The following PAPPA2 variants were observed in gnomAD, a reference collection of about 807,000 sequenced individuals.
PAPPA2 encodes pappalysin 2, also known as pappalysin-2.
PAPPA2 carries 86 observed loss-of-function variants against 176.4 expected under a neutral mutation model. The observed-to-expected ratio is 0.49, with a 90% confidence interval of 0.41 to 0.58. The LOEUF (loss-of-function observed/expected upper bound fraction) is 0.58. Among genes scored for constraint, PAPPA2 ranks in the 20% least tolerant of loss-of-function variants. PAPPA2 has a pLI of 0.00. For synonymous variants in PAPPA2, 809 were observed against 852.2 expected (o/e 0.95, Z 0.88); for missense variants, 2,073 against 2,256.9 (o/e 0.92, Z 1.65).
Position 176,652,597 on chromosome 1 carries a change from T to A in PAPPA2, c.1992-18373T>A, listed in dbSNP as rs1269475419. ...ACTCTGATTTTGCATCTTCTTTGGCTAAGGTACAAAGCAGAGTTTCCAGGG... is the reference window on the plus strand; with the variant it reads ...ACTCTGATTTTGCATCTTCTTTGGCAAAGGTACAAAGCAGAGTTTCCAGGG... On this transcript the variant is annotated intron_variant, in intron 3 of 22. Transcript: ENST00000367662. 2.0e-5 allele frequency among the ~76,000 whole-genome samples: 3 copies of A among 151,704 alleles called. No homozygotes were observed. The East Asian group carries it at 5.8e-4, about 30-fold the overall frequency.
intron 3 of PAPPA2, among the ~76,000 whole-genome samples, chr1:176,632,303 G>A (rs535184206): frequency 6.6e-6 from 1 of 151,724 alleles, no homozygotes; most frequent in South Asian, 2.1e-4. Context: ...ACAAAATGCT[G>A]CAACTGATTC....
At chr1:176,481,583 C>A (rs964687884) in intron 1 of PAPPA2, among the ~76,000 whole-genome samples, 4 of 152,218 alleles carry the variant, frequency 2.6e-5, no homozygotes, top group African/African-American at 9.6e-5. Flanking sequence ...TTATTCTCTG[C>A]TGCAGACTTC....
At chr1:176,466,363 T>C (rs1035952731) in intron 1 of PAPPA2, among the ~76,000 whole-genome samples, 1 of 152,180 alleles carries the variant, frequency 6.6e-6, no homozygotes, top group African/African-American at 2.4e-5. Context: ...ATTCTAATGA[T>C]AAAATTTCAA....
At chr1:176,554,070 G>A (rs1238953384) in intron 1 of PAPPA2, among the ~76,000 whole-genome samples, 1 of 152,130 alleles carries the variant, frequency 6.6e-6, no homozygotes, top group East Asian at 1.9e-4. Context: ...CCATGTGCCT[G>A]AGTTGATATC....
At chr1:176,712,682 G>A (rs1238816437) in intron 12 of PAPPA2, among the ~76,000 whole-genome samples, 2 of 152,166 alleles carry the variant, frequency 1.3e-5, no homozygotes, top group Non-Finnish European at 2.9e-5. Context: ...TGTGGTGAAC[G>A]TGTATAAACA....
At chr1:176,840,712 C>A (rs1010265110) in intron 22 of PAPPA2, among the ~76,000 whole-genome samples, 1 of 152,182 alleles carries the variant, frequency 6.6e-6, no homozygotes, top group African/African-American at 2.4e-5. Flanking sequence ...CACCAGCCAC[C>A]TGAGCACTCT....
intron 1 of PAPPA2, among the ~76,000 whole-genome samples, chr1:176,478,691 A>G (rs528839118): frequency 6.6e-6 from 1 of 152,334 alleles, no homozygotes; most frequent in Admixed American, 6.5e-5. Context: ...GGCAAAACAG[A>G]GAATGGCCAG....
At chr1:176,536,934 T>TGAGA (rs1650096617) in intron 1 of PAPPA2, among the ~76,000 whole-genome samples, 1 of 152,162 alleles carries the variant, frequency 6.6e-6, no homozygotes, top group Admixed American at 6.6e-5. Context: ...CATAACCCTA[T>TGAGA]GAGAGAGGTA....
chr1:176,610,344 TGGG>T (rs35317617), intron 3 of PAPPA2, among the ~76,000 whole-genome samples: 7,146 of 140,584 alleles, frequency 0.051, 256 homozygotes, highest in East Asian at 0.2. Context: ...AAGTTGTGTG[TGGG>T]GGGGGGGAGT....
At chr1:176,490,499 A>T (rs759759660) in intron 1 of PAPPA2, among the ~76,000 whole-genome samples, 3 of 152,122 alleles carry the variant, frequency 2.0e-5, no homozygotes, top group Non-Finnish European at 4.4e-5. Flanking sequence ...TATATTTGTG[A>T]TACAAATGTA....
intron 21 of PAPPA2, among the ~76,000 whole-genome samples, chr1:176,822,811 C>T (rs912268971): frequency 6.6e-6 from 1 of 152,198 alleles, no homozygotes; most frequent in South Asian, 2.1e-4. Context: ...AGATAAGAAA[C>T]GGTTTTATTT....
intron 3 of PAPPA2, among the ~76,000 whole-genome samples, chr1:176,623,779 CT>C (rs1655833906): frequency 9.6e-6 from 1 of 104,432 alleles, no homozygotes; most frequent in African/African-American, 3.7e-5. Flanking sequence ...TTCTTTCTTT[CT>C]TTCTTTCTTT....
chr1:176,812,391 A>C (rs1295114254), intron 21 of PAPPA2, among the ~76,000 whole-genome samples: 4 of 152,126 alleles, frequency 2.6e-5, no homozygotes, highest in African/African-American at 9.7e-5. Context: ...AGTTATAAGA[A>C]TGGGCAGCAT....
At chr1:176,765,872 T>G (rs1245144000) in intron 15 of PAPPA2, 35 bp downstream of exon 15, 1 of 1,605,338 alleles carries the variant, frequency 6.2e-7, no homozygotes, top group South Asian at 1.1e-5. Context: ...AGGACCAAGT[T>G]CCTGGGAAGG....
intron 1 of PAPPA2, among the ~76,000 whole-genome samples, chr1:176,534,368 C>T (rs191608629): frequency 7.2e-5 from 11 of 152,260 alleles, no homozygotes; most frequent in Admixed American, 1.3e-4. Context: ...TATTCCAGTC[C>T]CGACCTCTCT....
At chr1:176,732,408 A>G (rs116426024) in intron 12 of PAPPA2, among the ~76,000 whole-genome samples, 1 of 152,170 alleles carries the variant, frequency 6.6e-6, no homozygotes. Flanking sequence ...TTAGTTTTCT[A>G]TTCAAATTTG....
chr1:176,542,295 G>A (rs560095369), intron 1 of PAPPA2, among the ~76,000 whole-genome samples: 3 of 152,120 alleles, frequency 2.0e-5, no homozygotes, highest in African/African-American at 7.2e-5. Context: ...ACATAGGAAA[G>A]GATTAATTAT....
intron 2 of PAPPA2, among the ~76,000 whole-genome samples, chr1:176,593,304 G>A (rs533175259): frequency 6.6e-6 from 1 of 152,302 alleles, no homozygotes; most frequent in South Asian, 2.1e-4. Flanking sequence ...GGATTGTATA[G>A]GAGGTCAGGG....
chr1:176,637,117 T>C (rs1472015520), intron 3 of PAPPA2, among the ~76,000 whole-genome samples: 2 of 151,966 alleles, frequency 1.3e-5, no homozygotes, highest in Admixed American at 1.3e-4. Context: ...ATAGCGTGCA[T>C]GAAAGTTTGG....
Sources: gnomAD v4.1 joint callset for allele counts (sites outside exome capture counted in the v4.1 genomes callset) on GRCh38, gnomAD v4.1.1 for gene constraint, MANE v1.5 for transcripts, NCBI Gene and HGNC (gene_info 2026-07-23, HGNC 2026-07-21) for gene names.